GARRE1: variants seen among roughly 807,000 people sequenced by gnomAD.
The protein encoded by GARRE1 is granule associated Rac and RHOG effector protein 1.
GARRE1 carries 49 observed loss-of-function variants against 103.2 expected under a neutral mutation model. The ratio of observed to expected loss-of-function variants is 0.47; its 90% CI spans 0.38 to 0.60. GARRE1 has a LOEUF of 0.60. Among genes scored for constraint, GARRE1 ranks in the 20% least tolerant of loss-of-function variants. The pLI, the probability that GARRE1 is intolerant of heterozygous loss-of-function variation, is 0.00. For synonymous variants in GARRE1, 505 were observed against 532.8 expected, an observed-to-expected ratio of 0.95 and a Z score of 0.72; for missense variants, 1,199 against 1,370.5, an observed-to-expected ratio of 0.87 and a Z score of 1.98.
intron 10 of GARRE1, among the ~76,000 whole-genome samples, chr19:34,344,660 C>T (rs1371322302): frequency 6.6e-6 from 1 of 151,362 alleles, no homozygotes. Context: ...GAAGTTAATG[C>T]TGGGGTTAAC....
At position 34,341,906 on chromosome 19, in the gene GARRE1, A is replaced by G; in HGVS notation, c.1972A>G (p.Met658Val). Residue 658 changes from methionine to valine, a missense_variant, in exon 10 of 14, where the codon ATG (methionine) becomes GTG (valine). By Grantham distance (21) the Met-to-Val change is conservative. Transcript: ENST00000299505. The part of the protein sequence containing the change: ...EVIDFLSGFN[M>V]GQSHQGSPLV... ...GATAGATTTTCTCTCGGGCTTTAACATGGGCCAGTCACATCAGGGCTCTCC... is the reference window on the plus strand; with the variant it reads ...GATAGATTTTCTCTCGGGCTTTAACGTGGGCCAGTCACATCAGGGCTCTCC... 1 of 1,614,192 alleles carries G rather than the reference A, an allele frequency of 6.2e-7. No homozygotes were observed. Among genetic ancestry groups the G allele is most frequent in the Non-Finnish European group, 8.5e-7 (1 of 1,180,044 alleles).
chr19:34,261,393 G>T (rs1331263519), intron 1 of GARRE1, among the ~76,000 whole-genome samples: 1 of 152,040 alleles, frequency 6.6e-6, no homozygotes, highest in Non-Finnish European at 1.5e-5. Flanking sequence ...CTGGCCTCTG[G>T]TTCATACATC....
chr19:34,288,070 A>G (rs900238375), intron 1 of GARRE1, among the ~76,000 whole-genome samples: 8 of 152,114 alleles, frequency 5.3e-5, no homozygotes, highest in Non-Finnish European at 7.3e-5. Context: ...TGGTTCCACT[A>G]AATTCTTTAG....
In GARRE1 at chr19:34,305,128, A is replaced by G. The variant is rs138154879; in HGVS notation, c.495+4160A>G. 2.9e-3 allele frequency among the ~76,000 whole-genome samples: 441 copies of G among 152,294 alleles called. 2 individuals are homozygous for G. Among genetic ancestry groups the G allele is most frequent in the African/African-American group, 0.01 (428 of 41,560 alleles). On this transcript the variant is annotated intron_variant, in intron 2 of 13. Coordinates refer to ENST00000299505, the MANE Select transcript of GARRE1 (RefSeq NM_014686.5). ...ATTTTGTTTAAAAATTCAACACATA[A>G]AAAAGCATGCCTTTACTTCTCAAAA... is the stretch of plus-strand genomic sequence containing the variant.
intron 1 of GARRE1, among the ~76,000 whole-genome samples, chr19:34,280,477 A>C (rs994399984): frequency 6.6e-6 from 1 of 152,100 alleles, no homozygotes; most frequent in Non-Finnish European, 1.5e-5. Flanking sequence ...TCCTTTTCCC[A>C]TATGTGATTT....
At chr19:34,306,849 T>C (rs1350367769) in intron 2 of GARRE1, among the ~76,000 whole-genome samples, 1 of 152,192 alleles carries the variant, frequency 6.6e-6, no homozygotes, top group Non-Finnish European at 1.5e-5. Flanking sequence ...TACTCCAGCA[T>C]GTCGATTGCA....
intron 1 of GARRE1, among the ~76,000 whole-genome samples, chr19:34,293,463 A>G (rs1042115422): frequency 6.2e-5 from 9 of 145,732 alleles, no homozygotes; most frequent in African/African-American, 2.3e-4. Flanking sequence ...TGGTGTGATC[A>G]TGGTTCACTG....
chr19:34,317,838 T>G lies in GARRE1; in HGVS notation c.496-2069T>G, dbSNP rs552452930. On this transcript the variant is annotated intron_variant, in intron 2 of 13. Transcript: ENST00000299505. ...CATTGGTCAGGTACAGGCTGTGTGC[T>G]CCACTAAAGCTGTCTGTGTGCTCTA... Among the ~76,000 whole-genome samples, 7 of 152,332 alleles carry G rather than the reference T, an allele frequency of 4.6e-5. No individual in the cohort carries two copies. The South Asian group carries it at 1.4e-3, about 32-fold the overall frequency.
chr19:34,269,439 T>C (rs1180678516), intron 1 of GARRE1, among the ~76,000 whole-genome samples: 1 of 152,212 alleles, frequency 6.6e-6, no homozygotes, highest in Non-Finnish European at 1.5e-5. Context: ...TATTCAGTAG[T>C]TTTTTTCCTA....
At chr19:34,327,717 G>T in intron 4 of GARRE1, 54 bp from the exon 5 acceptor site, 1 of 1,537,294 alleles carries the variant, frequency 6.5e-7, no homozygotes. Flanking sequence ...ATTGAACTTT[G>T]TCATCTTATA....
intron 1 of GARRE1, among the ~76,000 whole-genome samples, chr19:34,296,853 A>T (rs1274051573): frequency 6.6e-6 from 1 of 152,082 alleles, no homozygotes; most frequent in East Asian, 1.9e-4. Context: ...AGTGTTGCCC[A>T]GGCTGCTCTT....
At chr19:34,311,247 A>C (rs2074034910) in intron 2 of GARRE1, among the ~76,000 whole-genome samples, 1 of 152,036 alleles carries the variant, frequency 6.6e-6, no homozygotes, top group African/African-American at 2.4e-5. Context: ...TGTTTTCCAT[A>C]CTGTACCTGG....
At chr19:34,280,815 C>T (rs559396219) in intron 1 of GARRE1, among the ~76,000 whole-genome samples, 6 of 151,978 alleles carry the variant, frequency 3.9e-5, no homozygotes, top group South Asian at 2.1e-4. Context: ...CGGGGCTTAT[C>T]GGAAAAATTT....
chr19:34,322,972 T>C (rs2074096059), intron 3 of GARRE1, among the ~76,000 whole-genome samples: 1 of 150,968 alleles, frequency 6.6e-6, no homozygotes, highest in Non-Finnish European at 1.5e-5. Context: ...ATTCATTAAA[T>C]AATGTCTAGT....
chr19:34,329,495 G>A (rs906157997), intron 6 of GARRE1, among the ~76,000 whole-genome samples: 2 of 152,142 alleles, frequency 1.3e-5, no homozygotes, highest in African/African-American at 4.8e-5. Context: ...AGTGATTGAT[G>A]ATAATTACTA....
At chr19:34,310,257 C>T (rs553466775) in intron 2 of GARRE1, among the ~76,000 whole-genome samples, 1 of 152,326 alleles carries the variant, frequency 6.6e-6, no homozygotes, top group East Asian at 1.9e-4. Flanking sequence ...TGGATAATGG[C>T]CTGTTCTGGC....
intron 1 of GARRE1, chr19:34,296,248 C>A: frequency 1.6e-6 from 1 of 636,246 alleles, no homozygotes; most frequent in Non-Finnish European, 2.8e-6. Context: ...AGCAGTCCTT[C>A]TGTTCTCACA....
intron 3 of GARRE1, among the ~76,000 whole-genome samples, chr19:34,322,248 T>C (rs572929060): frequency 3.9e-5 from 6 of 152,316 alleles, no homozygotes; most frequent in Non-Finnish European, 7.4e-5. Context: ...CTTGGCTTAC[T>C]GCAACCTCTG....
chr19:34,287,217 C>A (rs1169524606), intron 1 of GARRE1, among the ~76,000 whole-genome samples: 1 of 151,850 alleles, frequency 6.6e-6, no homozygotes, highest in Non-Finnish European at 1.5e-5. Context: ...TCCCAGTAAT[C>A]AGTATTTAAA....
Sources: gnomAD v4.1 joint callset for allele counts (sites outside exome capture counted in the v4.1 genomes callset) on GRCh38, gnomAD v4.1.1 for gene constraint, MANE v1.5 for transcripts, NCBI Gene and HGNC (gene_info 2026-07-23, HGNC 2026-07-21) for gene names.